The following ELAVL2 variants were observed in gnomAD, a reference collection of about 807,000 sequenced individuals.
The protein encoded by ELAVL2 is ELAV-like protein 2.
A neutral mutation model predicts 34.6 loss-of-function variants in ELAVL2; 4 were observed. The observed-to-expected ratio is 0.12, with a 90% confidence interval of 0.06 to 0.26. ELAVL2 has a LOEUF of 0.26. Among genes scored for constraint, ELAVL2 ranks in the 10% least tolerant of loss-of-function variants. The pLI is 1.00. For synonymous variants in ELAVL2, 193 were observed against 154.8 expected, an observed-to-expected ratio of 1.25 and a Z score of -1.83; for missense variants, 432 against 442.8, an observed-to-expected ratio of 0.98 and a Z score of 0.22.
At chr9:23,717,567 T>C (rs1422084914) in intron 3 of ELAVL2, among the ~76,000 whole-genome samples, 1 of 152,218 alleles carries the variant, frequency 6.6e-6, no homozygotes, top group Non-Finnish European at 1.5e-5. Flanking sequence ...TGCTTTTGAA[T>C]GAGACATTCC....
chr9:23,830,952 AT>A (rs958231402), upstream of ELAVL2, among the ~76,000 whole-genome samples: 41 of 152,290 alleles, frequency 2.7e-4, no homozygotes, highest in African/African-American at 9.6e-4. Context: ...TCAGAGACTT[AT>A]GTCCGTTTCT....
the ELAVL2 span, among the ~76,000 whole-genome samples, chr9:23,844,786 T>G: frequency 3.9e-5 from 6 of 152,146 alleles, no homozygotes; most frequent in South Asian, 1.2e-3. Context: ...GTAGCTTATA[T>G]TACTCTGCCC....
intron 1 of ELAVL2, among the ~76,000 whole-genome samples, chr9:23,780,144 C>A (rs2058863632): frequency 6.6e-6 from 1 of 151,098 alleles, no homozygotes; most frequent in Non-Finnish European, 1.5e-5. Context: ...TAGGTTGATT[C>A]TCTTTTCCAG....
At chr9:23,728,925 C>T (rs1235978061) in intron 3 of ELAVL2, among the ~76,000 whole-genome samples, 1 of 152,076 alleles carries the variant, frequency 6.6e-6, no homozygotes, top group Non-Finnish European at 1.5e-5. Context: ...CTGCTATTTG[C>T]CCATTACCCT....
chr9:23,722,266 A>G (rs1211303456), intron 3 of ELAVL2, among the ~76,000 whole-genome samples: 2 of 152,250 alleles, frequency 1.3e-5, no homozygotes, highest in African/African-American at 2.4e-5. Flanking sequence ...TACGACTTAC[A>G]TGAACCTACC....
chr9:23,705,091 T>C lies in ELAVL2; in HGVS notation c.334-20A>G. Reference sequence around the variant, plus strand: ...GGAAACCTGGAAAAGGAAAATAAAATTAAATGTATATGCATGCTCACTCAC... The same window carrying C: ...GGAAACCTGGAAAAGGAAAATAAAACTAAATGTATATGCATGCTCACTCAC... On this transcript the variant is annotated intron_variant, in intron 3 of 6. Transcript: ENST00000397312. The C allele has an allele frequency of 6.2e-7, 1 of 1,613,654 alleles. No individual in the cohort carries two copies. Among genetic ancestry groups the C allele is most frequent in the African/African-American group, 1.3e-5 (1 of 74,966 alleles).
the ELAVL2 span, among the ~76,000 whole-genome samples, chr9:23,839,873 C>G: frequency 1.4e-4 from 21 of 152,246 alleles, no homozygotes; most frequent in African/African-American, 4.6e-4. Context: ...TAGTGGCTCT[C>G]TTTTAAGGCC....
intron 2 of ELAVL2, among the ~76,000 whole-genome samples, chr9:23,758,233 C>T (rs1027996053): frequency 6.6e-6 from 1 of 152,070 alleles, no homozygotes; most frequent in East Asian, 1.9e-4. Flanking sequence ...GGGTCCAAAG[C>T]TCCACAAATT....
chr9:23,831,166 T>G (rs1004689350), upstream of ELAVL2, among the ~76,000 whole-genome samples: 3 of 152,226 alleles, frequency 2.0e-5, no homozygotes, highest in Non-Finnish European at 2.9e-5. Context: ...TCGGAGGCTC[T>G]TTCTTATATT....
chr9:23,731,173 G>T, intron 2 of ELAVL2, 48 bp from the exon 3 acceptor site: 1 of 1,519,862 alleles, frequency 6.6e-7, no homozygotes, highest in African/African-American at 1.4e-5. Flanking sequence ...CTATACTGTT[G>T]ACAGAGATCA....
rs545192378 is a variant in ELAVL2, at chr9:23,723,249, T to G, written c.333+7773A>C. 3.3e-4 allele frequency among the ~76,000 whole-genome samples: 50 copies of G among 152,118 alleles called. 1 individual carries two copies. In the South Asian group the frequency reaches 0.01, roughly 31 times the overall value. On this transcript the variant is annotated intron_variant, in intron 3 of 6. Coordinates refer to ENST00000397312, the MANE Select transcript of ELAVL2 (RefSeq NM_004432.5). Reference sequence around the variant, plus strand: ...TGGAATACTATGCAGCCATAAAAAATGATGAGTTCATGTCCTTTGTAGGGA... The same window carrying G: ...TGGAATACTATGCAGCCATAAAAAAGGATGAGTTCATGTCCTTTGTAGGGA...
Position 23,814,738 on chromosome 9 carries a change from C to T in ELAVL2, c.-16+11068G>A, listed in dbSNP as rs548905819. ...TTGTATATTTAACACATTCTGGATA[C>T]CTCTGCAATAAAGGTGGATGACCCC... On this transcript the variant is annotated intron_variant, in intron 1 of 6. Coordinates refer to ENST00000397312, the MANE Select transcript of ELAVL2 (RefSeq NM_004432.5). Among the ~76,000 whole-genome samples the T allele has an allele frequency of 7.2e-5, 11 of 152,198 alleles. No homozygotes were observed. In the South Asian group the frequency reaches 1.9e-3, roughly 26 times the overall value.
chr9:23,738,934 T>C (rs1353603068), intron 2 of ELAVL2, among the ~76,000 whole-genome samples: 1 of 152,160 alleles, frequency 6.6e-6, no homozygotes, highest in Non-Finnish European at 1.5e-5. Flanking sequence ...ATGAATCTGC[T>C]GGCAATGCGG....
intron 2 of ELAVL2, among the ~76,000 whole-genome samples, chr9:23,749,104 T>G (rs181553513): frequency 3.9e-5 from 6 of 152,244 alleles, no homozygotes; most frequent in Admixed American, 3.3e-4. Context: ...GTCACTGAAC[T>G]GTAAACTTGA....
At chr9:23,733,751 C>A (rs1038080032) in intron 2 of ELAVL2, among the ~76,000 whole-genome samples, 2 of 152,120 alleles carry the variant, frequency 1.3e-5, no homozygotes, top group African/African-American at 4.8e-5. Flanking sequence ...TCCTGGCCTG[C>A]TGTAGGCATG....
intron 5 of ELAVL2, among the ~76,000 whole-genome samples, chr9:23,695,945 CA>C (rs1017329853): frequency 2.4e-4 from 37 of 152,302 alleles, no homozygotes; most frequent in African/African-American, 8.4e-4. Context: ...CTGGCATCCC[CA>C]GACAGGAGGT....
At chr9:23,796,815 T>C (rs2060987224) in intron 1 of ELAVL2, among the ~76,000 whole-genome samples, 1 of 152,224 alleles carries the variant, frequency 6.6e-6, no homozygotes, top group Admixed American at 6.5e-5. Flanking sequence ...CCTTCGTCCT[T>C]TGTATAGGTT....
intron 1 of ELAVL2, among the ~76,000 whole-genome samples, chr9:23,786,670 T>TC (rs1484977532): frequency 6.6e-6 from 1 of 151,102 alleles, no homozygotes; most frequent in African/African-American, 2.4e-5. Flanking sequence ...ATATTAAACT[T>TC]CAAGGTACAG....
chr9:23,692,958 A>G (rs547620303), intron 6 of ELAVL2, 74 bp from the exon 7 acceptor site: 3 of 1,370,580 alleles, frequency 2.2e-6, no homozygotes, highest in East Asian at 4.8e-5. Flanking sequence ...CAATGAACGT[A>G]TACCTTTTCC....
Sources: gnomAD v4.1 joint callset for allele counts (sites outside exome capture counted in the v4.1 genomes callset) on GRCh38, gnomAD v4.1.1 for gene constraint, MANE v1.5 for transcripts, NCBI Gene and HGNC (gene_info 2026-07-23, HGNC 2026-07-21) for gene names.